TMEM132D: variants seen among roughly 807,000 people sequenced by gnomAD.
The protein encoded by TMEM132D is transmembrane protein 132D, also known as mature OL transmembrane protein.
TMEM132D carries 21 observed loss-of-function variants against 62.3 expected under a neutral mutation model. The observed-to-expected ratio is 0.34, with a 90% confidence interval of 0.24 to 0.49. TMEM132D has a LOEUF of 0.49. TMEM132D is among the 20% of genes least tolerant of loss of function. TMEM132D has a pLI of 0.99. For synonymous variants in TMEM132D, 621 were observed against 575.6 expected (o/e 1.08, Z -1.13); for missense variants, 1,346 against 1,402.8 (o/e 0.96, Z 0.65).
At chr12:129,486,611 G>A (rs921758197) in intron 3 of TMEM132D, among the ~76,000 whole-genome samples, 1 of 152,184 alleles carries the variant, frequency 6.6e-6, no homozygotes, top group African/African-American at 2.4e-5. Flanking sequence ...CACTCATTGT[G>A]TGTCCAGGGA....
chr12:129,503,116 A>G (rs1054903385), intron 3 of TMEM132D, among the ~76,000 whole-genome samples: 4 of 152,232 alleles, frequency 2.6e-5, no homozygotes, highest in African/African-American at 7.2e-5. Context: ...TACTGCAGAA[A>G]ATTTATAACC....
chr12:129,244,029 G>A (rs1049546810), intron 4 of TMEM132D, among the ~76,000 whole-genome samples: 12 of 152,132 alleles, frequency 7.9e-5, no homozygotes, highest in African/African-American at 2.7e-4. Context: ...GAGGTGCTAT[G>A]TTGATAGTCA....
chr12:129,584,132 T>C (rs115644575), intron 2 of TMEM132D, among the ~76,000 whole-genome samples: 19 of 152,288 alleles, frequency 1.2e-4, no homozygotes, highest in African/African-American at 4.6e-4. Flanking sequence ...TGAAAGCTTT[T>C]GATTGCTATA....
intron 4 of TMEM132D, among the ~76,000 whole-genome samples, chr12:129,314,118 G>A (rs539067104): frequency 6.6e-6 from 1 of 152,092 alleles, no homozygotes; most frequent in Admixed American, 6.5e-5. Flanking sequence ...TTTGTCAGAT[G>A]TATAGATTGT....
At chr12:129,196,980 C>T (rs1733636935) in intron 5 of TMEM132D, among the ~76,000 whole-genome samples, 1 of 152,098 alleles carries the variant, frequency 6.6e-6, no homozygotes, top group South Asian at 2.1e-4. Context: ...TAAGTCACCA[C>T]CCGTGAAGAA....
At chr12:129,609,475 G>C (rs910606833) in intron 2 of TMEM132D, among the ~76,000 whole-genome samples, 2 of 152,148 alleles carry the variant, frequency 1.3e-5, no homozygotes, top group Admixed American at 1.3e-4. Context: ...CTCTTAAAAA[G>C]CGACAGGAAA....
intron 1 of TMEM132D, among the ~76,000 whole-genome samples, chr12:129,760,373 C>G (rs1303364691): frequency 3.7e-5 from 5 of 135,956 alleles, no homozygotes; most frequent in African/African-American, 1.4e-4. Flanking sequence ...GCTCTTTTGC[C>G]CAGGCTAGAG....
At chr12:129,519,621 T>TC (rs1044371563) in intron 3 of TMEM132D, among the ~76,000 whole-genome samples, 6 of 151,642 alleles carry the variant, frequency 4.0e-5, no homozygotes, top group African/African-American at 1.2e-4. Context: ...TTTTTTTTTT[T>TC]TCTTTGAGAT....
chr12:129,151,756 T>G (rs548831812), intron 5 of TMEM132D, among the ~76,000 whole-genome samples: 82 of 152,196 alleles, frequency 5.4e-4, no homozygotes, highest in Non-Finnish European at 1.1e-3. Context: ...GCCCCCCGTC[T>G]TCTGTCTGCT....
chr12:129,600,375 T>G (rs2137142098), intron 2 of TMEM132D, among the ~76,000 whole-genome samples: 1 of 152,348 alleles, frequency 6.6e-6, no homozygotes, highest in South Asian at 2.1e-4. Flanking sequence ...CACTGAAGTC[T>G]TGAGCCCCTC....
chr12:129,903,213 C>T lies in TMEM132D; in HGVS notation c.79+48G>A. 2 of 1,546,426 alleles carry T rather than the reference C, an allele frequency of 1.3e-6. No individual in the cohort carries two copies. Among genetic ancestry groups the T allele is most frequent in the Non-Finnish European group, 1.8e-6 (2 of 1,142,572 alleles). ...TCCTCCACACACTCCCACACACTCA[C>T]TCCAGGCGAAGTTAGTCCCCGGGCC... On this transcript the variant is annotated intron_variant, in intron 1 of 8. Transcript: ENST00000422113. This position sits in a 1 kb window ranked among gnomAD's most constrained non-coding sequence, Gnocchi z 6.2.
chr12:129,213,212 G>C (rs1282270109), intron 4 of TMEM132D, among the ~76,000 whole-genome samples: 3 of 152,210 alleles, frequency 2.0e-5, no homozygotes, highest in Non-Finnish European at 4.4e-5. Flanking sequence ...GAAATACCAG[G>C]CTAGGTGCAG....
intron 3 of TMEM132D, among the ~76,000 whole-genome samples, chr12:129,350,592 T>C (rs917275470): frequency 6.6e-6 from 1 of 152,220 alleles, no homozygotes; most frequent in East Asian, 1.9e-4. Context: ...TAAGTTGGAA[T>C]CAGGCAGAGA....
chr12:129,216,185 T>G (rs1412757171), intron 4 of TMEM132D, among the ~76,000 whole-genome samples: 4 of 152,218 alleles, frequency 2.6e-5, no homozygotes, highest in African/African-American at 9.6e-5. Flanking sequence ...GGTATGTACC[T>G]CTTGGGTTTG....
At chr12:129,223,961 C>CA (rs1350734854) in intron 4 of TMEM132D, among the ~76,000 whole-genome samples, 4 of 152,090 alleles carry the variant, frequency 2.6e-5, no homozygotes, top group African/African-American at 9.7e-5. Context: ...CAGGATGTTC[C>CA]ATGCCTTATA....
chr12:129,868,017 T>C lies in TMEM132D; in HGVS notation c.79+35244A>G, dbSNP rs12231369. ...CATGAGGCGGCGTTTCTATGGTACA[T>C]ACATGAGGTGGCGTTTCTATGGTAC... On this transcript the variant is annotated intron_variant, in intron 1 of 8. Transcript: ENST00000422113. Among the ~76,000 whole-genome samples, 508 of 128,614 alleles carry C rather than the reference T, an allele frequency of 3.9e-3. 5 individuals are homozygous for C. In the East Asian group the frequency reaches 0.057, roughly 14 times the overall value. 84.4% of individuals were successfully genotyped at this position (128,614 alleles called of 152,430 possible).
chr12:129,635,395 C>G (rs1177131606), intron 2 of TMEM132D, among the ~76,000 whole-genome samples: 1 of 152,224 alleles, frequency 6.6e-6, no homozygotes, highest in Non-Finnish European at 1.5e-5. Flanking sequence ...GAGTCATCCA[C>G]AGAGAGGTGC....
chr12:129,516,623 C>T (rs1875692211), intron 3 of TMEM132D, among the ~76,000 whole-genome samples: 1 of 152,184 alleles, frequency 6.6e-6, no homozygotes, highest in African/African-American at 2.4e-5. Flanking sequence ...CCACTGGGTC[C>T]TTCCCACAAC....
At chr12:129,687,914 G>A (rs1027594060) in intron 2 of TMEM132D, among the ~76,000 whole-genome samples, 7 of 152,144 alleles carry the variant, frequency 4.6e-5, no homozygotes, top group Non-Finnish European at 1.0e-4. Context: ...AACAGACCCA[G>A]TACAAATTCA....
Sources: gnomAD v4.1 joint callset for allele counts (sites outside exome capture counted in the v4.1 genomes callset) on GRCh38, gnomAD v4.1.1 for gene constraint, Gnocchi (gnomAD v3.1) non-coding constraint, MANE v1.5 for transcripts, NCBI Gene and HGNC (gene_info 2026-07-23, HGNC 2026-07-21) for gene names.